Variants in SP110 observed in about 807,000 individuals in gnomAD.
SP110 encodes interferon-induced protein 41, 30kD.
In SP110, 62 loss-of-function variants were observed where a neutral mutation model predicts 92.7. The ratio of observed to expected loss-of-function variants is 0.67; its 90% confidence interval spans 0.55 to 0.83. SP110 has a LOEUF of 0.83. Among genes scored for constraint, SP110 ranks in the 40% least tolerant of loss-of-function variants. The pLI is 0.00. For missense variants in SP110, 793 were observed against 863.9 expected (o/e 0.92, Z 1.03); for synonymous variants, 273 against 305.3 (o/e 0.89, Z 1.10).
rs960785474 is a variant in SP110 at position 230,165,539 on chromosome 2, T to C, written c.*3585A>G. 6.6e-6 allele frequency among the ~76,000 whole-genome samples: 1 copy of C among 152,076 alleles called. No homozygotes were observed. Among genetic ancestry groups the C allele is most frequent in the Non-Finnish European group, 1.5e-5 (1 of 68,012 alleles). ...TACATAATGTGAAACTAACAAATAA[T>C]GACATAATATAATTGAATAGAATAA... On this transcript the variant is annotated 3_prime_UTR_variant, in exon 19 of 19. Coordinates refer to ENST00000258381, the MANE Select transcript of SP110 (RefSeq NM_080424.4).
At chr2:230,191,318 C>T (rs141349119) in intron 10 of SP110, among the ~76,000 whole-genome samples, 2,588 of 151,846 alleles carry the variant, frequency 0.017, 61 homozygotes, top group African/African-American at 0.059. Flanking sequence ...GATAGAGACA[C>T]AAAAAACCCT....
chr2:230,179,325 G>A lies in SP110; in HGVS notation c.1349-1070C>T, dbSNP rs997738242. 4.6e-5 allele frequency among the ~76,000 whole-genome samples: 7 copies of A among 152,086 alleles called. No individual in the cohort carries two copies. In the South Asian group the frequency reaches 1.0e-3, roughly 22 times the overall value. On this transcript the variant is annotated intron_variant, in intron 12 of 18. Transcript: ENST00000258381. ...GGCTGGCAGCAAGGCTAGGCATGGG[G>A]GTGGAGGGTAGTGGGGGTGTGGGAA...
intron 14 of SP110, among the ~76,000 whole-genome samples, chr2:230,175,109 A>G (rs1204325350): frequency 6.6e-6 from 1 of 152,192 alleles, no homozygotes; most frequent in East Asian, 1.9e-4. Context: ...ACATAAAGGT[A>G]TAATACAGAA....
chr2:230,192,500 C>T (rs1010058827), intron 10 of SP110, among the ~76,000 whole-genome samples: 3 of 152,080 alleles, frequency 2.0e-5, no homozygotes, highest in Admixed American at 2.0e-4. Context: ...AATAGGCAAG[C>T]AGAGAGCCAA....
chr2:230,208,582 C>T (rs910982364), intron 7 of SP110, among the ~76,000 whole-genome samples: 4 of 152,014 alleles, frequency 2.6e-5, no homozygotes, highest in African/African-American at 7.3e-5. Context: ...CCTTATGGTG[C>T]AGGAGGGAAA....
chr2:230,190,298 T>A (rs878904147), intron 10 of SP110, among the ~76,000 whole-genome samples: 1 of 152,242 alleles, frequency 6.6e-6, no homozygotes, highest in African/African-American at 2.4e-5. Flanking sequence ...AATTCTCTGA[T>A]GATCAGTGAT....
At position 230,185,947 on chromosome 2, in the gene SP110, C is replaced by T. The variant is rs546531058; in HGVS notation, c.1279+47G>A. 1.9e-6 allele frequency: 3 copies of T among 1,557,050 alleles called. No homozygotes were observed. In the South Asian group the frequency reaches 3.3e-5, roughly 17 times the overall value. On this transcript the variant is annotated intron_variant, in intron 11 of 18. Transcript: ENST00000258381. Reference sequence around the variant, plus strand: ...TGACCCTGTACTGCTCCAAGAGGCCCTCCTACATTGAGCTATTCAAATAGC... The same window carrying T: ...TGACCCTGTACTGCTCCAAGAGGCCTTCCTACATTGAGCTATTCAAATAGC...
chr2:230,194,356 T>C (rs13427499), intron 10 of SP110, among the ~76,000 whole-genome samples: 33,995 of 151,616 alleles, frequency 0.22, 4,655 homozygotes, highest in East Asian at 0.57. Flanking sequence ...TCCGAGAACT[T>C]TGGGAGGCTA....
In SP110 at chr2:230,211,334, C is replaced by A; in HGVS notation, c.751+136G>T. The A allele has an allele frequency of 1.4e-6, 1 of 718,042 alleles. No individual in the cohort carries two copies. Among genetic ancestry groups the A allele is most frequent in the East Asian group, 2.6e-5 (1 of 38,618 alleles). The allele number at this position is 718,042 out of a possible 1,614,324, so 44.5% of individuals were successfully genotyped here. A position where few individuals can be genotyped will look rare whatever the true frequency, so the allele number is the denominator to read the frequency against. ...TCCTGCCTGTTCAAGCTCCCAAGTG[C>A]TGGGTGAACTGGAAGCTGGGCCAAG... On this transcript the variant is annotated intron_variant, in intron 6 of 18. Transcript: ENST00000258381. This position sits in a 1 kb window ranked among gnomAD's most constrained non-coding sequence, Gnocchi z 4.2.
chr2:230,209,853 G>C, intron 7 of SP110, 78 bp downstream of exon 7: 1 of 868,066 alleles, frequency 1.2e-6, no homozygotes, highest in Non-Finnish European at 2.0e-6. Context: ...TGGTGCTCTT[G>C]ACAAGATACA....
At chr2:230,202,543 A>T in intron 9 of SP110, 36 bp downstream of exon 9, 2 of 1,607,222 alleles carry the variant, frequency 1.2e-6, no homozygotes, top group Non-Finnish European at 1.7e-6. Context: ...TCCCACACTG[A>T]GCCATTCAAA....
chr2:230,219,934 A>C lies in SP110; in HGVS notation c.-62T>G. 4 of 985,570 alleles carry C rather than the reference A, an allele frequency of 4.1e-6. No homozygotes were observed. Among genetic ancestry groups the C allele is most frequent in the Non-Finnish European group, 4.8e-6 (4 of 829,930 alleles). 61.1% of individuals were successfully genotyped at this position (985,570 alleles called of 1,614,324 possible). ...GGGGCTGGGACAGGGATCACTCCTC[A>C]AGATTGGGAGAGTTACAGGGAGATG... On this transcript the variant is annotated 5_prime_UTR_variant, in exon 1 of 19. Coordinates refer to ENST00000258381, the MANE Select transcript of SP110 (RefSeq NM_080424.4).
At chr2:230,183,320 T>G (rs777170160) in intron 12 of SP110, among the ~76,000 whole-genome samples, 20 of 152,234 alleles carry the variant, frequency 1.3e-4, no homozygotes, top group Non-Finnish European at 1.2e-4. Context: ...GTGATCATCC[T>G]TAATCATTTT....
At chr2:230,180,443 T>C (rs1241281891) in intron 12 of SP110, among the ~76,000 whole-genome samples, 1 of 77,320 alleles carries the variant, frequency 1.3e-5, no homozygotes, top group African/African-American at 5.2e-5. Flanking sequence ...GGGGTGGAGA[T>C]GGGGCGGTGG....
rs1409996007 is a variant in SP110 at position 230,168,217 on chromosome 2, CA to C, written c.*906del. On this transcript the variant is annotated 3_prime_UTR_variant, in exon 19 of 19. Coordinates refer to ENST00000258381, the MANE Select transcript of SP110 (RefSeq NM_080424.4). Reference sequence around the variant, plus strand: ...CTACGTATATTTAAATATGTGGGTTCAAGATAATTAAATTAAAAAATCCCTG... The same window carrying C: ...CTACGTATATTTAAATATGTGGGTTCAGATAATTAAATTAAAAAATCCCTG... 2.8e-5 allele frequency: 3 copies of C among 106,902 alleles called. No homozygotes were observed. In the East Asian group the frequency reaches 6.7e-4, roughly 24 times the overall value. The allele number at this position is 106,902 out of a possible 1,614,324, so 6.6% of individuals were successfully genotyped here.
chr2:230,170,139 T>C (rs2078396252), intron 18 of SP110, among the ~76,000 whole-genome samples: 1 of 152,214 alleles, frequency 6.6e-6, no homozygotes, highest in South Asian at 2.1e-4. Flanking sequence ...TAAAGGAGGA[T>C]GAAACCAACA....
At position 230,211,547 on chromosome 2, in the gene SP110, C is replaced by G; in HGVS notation, c.674G>C (p.Ser225Thr). The change falls in exon 6 of 19, where the codon AGT becomes ACT. Residue 225 changes from serine to threonine, a missense_variant. Physicochemically the swap from Ser to Thr is moderately conservative, Grantham distance 58. Transcript: ENST00000258381. The surrounding 1 kb of genome is among the most constrained non-coding windows in gnomAD (Gnocchi z 4.2). ...TCTTATTTGGGGGATCAGGTTGTCA[C>G]TGGCCACTGAATGGAGGAAGAAAAA... ...SLLTSTVQVA[S>T]DNLIPQIRDK... 1 of 1,602,386 alleles carries G rather than the reference C, an allele frequency of 6.2e-7. No individual in the cohort carries two copies. The highest frequency in any genetic ancestry group is 8.6e-7 in the Non-Finnish European group (1 of 1,169,360).
chr2:230,198,241 G>C (rs2042969610), intron 10 of SP110, among the ~76,000 whole-genome samples: 1 of 152,128 alleles, frequency 6.6e-6, no homozygotes, highest in South Asian at 2.1e-4. Context: ...AGAATGTGGA[G>C]AGCTGCAATG....
chr2:230,186,127 C>T lies in SP110; in HGVS notation c.1146G>A (p.Gly382=), dbSNP rs1293592191. The T allele has an allele frequency of 6.2e-7, 1 of 1,613,950 alleles. No individual in the cohort carries two copies. The highest frequency in any genetic ancestry group is 8.5e-7 in the Non-Finnish European group (1 of 1,179,984). ...CTTGGAGCTTCTCTTGGATGCCATG[C>T]CCAGGTGAGGCTGCCCCTGGACCAA... The part of the protein sequence containing the change: ...RRVTQGAASP[G]HGIQEKLQVV... The change falls in exon 11 of 19, where the codon GGG becomes GGA. Residue 382 remains glycine (G), a synonymous_variant. Transcript: ENST00000258381.
Sources: gnomAD v4.1 joint callset for allele counts (sites outside exome capture counted in the v4.1 genomes callset) on GRCh38, gnomAD v4.1.1 for gene constraint, Gnocchi (gnomAD v3.1) non-coding constraint, MANE v1.5 for transcripts, NCBI Gene and HGNC (gene_info 2026-07-23, HGNC 2026-07-21) for gene names.